Variants in COL25A1 observed in about 807,000 individuals in gnomAD.
The protein encoded by COL25A1 is collagen alpha-1(XXV) chain.
A neutral mutation model predicts 128.4 loss-of-function variants in COL25A1; 103 were observed. The ratio of observed to expected loss-of-function variants is 0.80; its 90% CI spans 0.68 to 0.94. COL25A1 has a LOEUF of 0.94. COL25A1 is among the 40% of genes least tolerant of loss of function. The pLI is 0.00. For synonymous variants in COL25A1, 279 were observed against 277.2 expected (o/e 1.01, Z -0.06); for missense variants, 745 against 840.0 (o/e 0.89, Z 1.40).
chr4:109,282,690 T>A (rs1205650978), intron 3 of COL25A1, among the ~76,000 whole-genome samples: 1 of 152,256 alleles, frequency 6.6e-6, no homozygotes, highest in African/African-American at 2.4e-5. Flanking sequence ...GATCAGAACT[T>A]TCTTTCCCTG....
At chr4:108,915,971 A>G (rs1744828514) in intron 13 of COL25A1, among the ~76,000 whole-genome samples, 1 of 152,224 alleles carries the variant, frequency 6.6e-6, no homozygotes, top group Admixed American at 6.5e-5. Flanking sequence ...AACAAATTCT[A>G]GAGTTCATTT....
At chr4:109,057,728 C>T (rs956843874) in intron 3 of COL25A1, among the ~76,000 whole-genome samples, 2 of 152,046 alleles carry the variant, frequency 1.3e-5, no homozygotes, top group African/African-American at 2.4e-5. Context: ...AGTTTCTACT[C>T]CTGTGGAGAG....
chr4:108,984,932 T>C (rs1488349508), intron 6 of COL25A1, among the ~76,000 whole-genome samples: 1 of 152,138 alleles, frequency 6.6e-6, no homozygotes, highest in African/African-American at 2.4e-5. Flanking sequence ...TAGAGCAATA[T>C]AGGTTTTATG....
chr4:108,937,354 CAG>C (rs1232276742), intron 11 of COL25A1, among the ~76,000 whole-genome samples: 5 of 151,498 alleles, frequency 3.3e-5, no homozygotes, highest in Admixed American at 3.3e-4. Context: ...TTTTAAATGA[CAG>C]AGAACCAAAA....
chr4:109,113,760 T>C (rs1303926589), intron 3 of COL25A1, among the ~76,000 whole-genome samples: 1 of 152,034 alleles, frequency 6.6e-6, no homozygotes, highest in Admixed American at 6.6e-5. Flanking sequence ...TCGTAAGCAT[T>C]TCCATACGCA....
Position 109,000,340 on chromosome 4 carries a change from C to A in COL25A1, c.438+10018G>T, listed in dbSNP as rs572562019. Among the ~76,000 whole-genome samples the A allele has an allele frequency of 2.6e-5, 4 of 152,160 alleles. No homozygotes were observed. The South Asian group carries it at 8.3e-4, about 32-fold the overall frequency. On this transcript the variant is annotated intron_variant, in intron 6 of 37. Transcript: ENST00000399132. ...GTACAGATGAGGAAAATGAGACTAG[C>A]GTGATTGAGTAACTTGCCAAAGATA... is the stretch of plus-strand genomic sequence containing the variant.
chr4:109,074,334 C>T (rs1048457606), intron 3 of COL25A1, among the ~76,000 whole-genome samples: 2 of 152,114 alleles, frequency 1.3e-5, no homozygotes, highest in Non-Finnish European at 2.9e-5. Flanking sequence ...GTTTGTGTTG[C>T]TGTTTGGACT....
intron 3 of COL25A1, among the ~76,000 whole-genome samples, chr4:109,266,555 T>G (rs962591243): frequency 6.6e-6 from 1 of 152,032 alleles, no homozygotes; most frequent in Non-Finnish European, 1.5e-5. Flanking sequence ...CTGGGGAGGA[T>G]GTACTAATAA....
At chr4:108,978,812 C>A (rs1043860965) in intron 6 of COL25A1, among the ~76,000 whole-genome samples, 1 of 152,116 alleles carries the variant, frequency 6.6e-6, no homozygotes, top group African/African-American at 2.4e-5. Flanking sequence ...AATTAGCAGT[C>A]ATAGGGAAGT....
chr4:108,924,564 T>C (rs749650705), intron 11 of COL25A1, among the ~76,000 whole-genome samples: 2 of 152,140 alleles, frequency 1.3e-5, no homozygotes, highest in Non-Finnish European at 2.9e-5. Flanking sequence ...ATCTCTATGG[T>C]CCAGCCTTCT....
chr4:108,957,618 A>T (rs1436211891), intron 8 of COL25A1, among the ~76,000 whole-genome samples: 1 of 152,234 alleles, frequency 6.6e-6, no homozygotes, highest in Non-Finnish European at 1.5e-5. Context: ...GTAATCTTAG[A>T]ACTGTCTATG....
chr4:108,920,135 C>G (rs1745330066), intron 12 of COL25A1, among the ~76,000 whole-genome samples: 1 of 152,160 alleles, frequency 6.6e-6, no homozygotes, highest in Non-Finnish European at 1.5e-5. Context: ...AGTCACTGTT[C>G]AGGTTACCTC....
intron 3 of COL25A1, among the ~76,000 whole-genome samples, chr4:109,174,435 C>T (rs568583219): frequency 6.6e-6 from 1 of 152,284 alleles, no homozygotes; most frequent in Admixed American, 6.5e-5. Flanking sequence ...AGTTCCCCAC[C>T]AATCCACAGA....
Position 108,835,861 on chromosome 4 carries a change from C to CTTTTTTTTTTTTTTTTTTTTTTTTT in COL25A1, c.1657-3453_1657-3429dup, listed in dbSNP as rs1158184110. 5.2e-4 allele frequency among the ~76,000 whole-genome samples: 24 copies of CTTTTTTTTTTTTTTTTTTTTTTTTT among 45,722 alleles called. 2 individuals carry two copies. The highest frequency in any genetic ancestry group is 1.4e-3 in the Admixed American group (4 of 2,838). The allele number at this position is 45,722 out of a possible 152,430, so 30.0% of individuals were successfully genotyped here. On this transcript the variant is annotated intron_variant, in intron 31 of 37. Coordinates refer to ENST00000399132, the MANE Select transcript of COL25A1 (RefSeq NM_198721.4). ...GCCACAGTGCCCGGCTTACATACGT[C>CTTTTTTTTTTTTTTTTTTTTTTTTT]TTTTTTTTTTTTTTTTTTTTTTTTT...
intron 3 of COL25A1, among the ~76,000 whole-genome samples, chr4:109,249,000 A>G (rs1780470038): frequency 6.6e-6 from 1 of 152,204 alleles, no homozygotes; most frequent in Admixed American, 6.5e-5. Context: ...ATGTAAATCC[A>G]CTAGGTGCCA....
intron 3 of COL25A1, among the ~76,000 whole-genome samples, chr4:109,256,060 T>C (rs1781059803): frequency 2.0e-5 from 3 of 148,662 alleles, no homozygotes; most frequent in Admixed American, 1.3e-4. Flanking sequence ...AGAAACTACA[T>C]GTGGATATTA....
At chr4:108,851,931 C>T (rs2125772820) in intron 26 of COL25A1, among the ~76,000 whole-genome samples, 1 of 152,086 alleles carries the variant, frequency 6.6e-6, no homozygotes, top group South Asian at 2.1e-4. Flanking sequence ...TTTCATACAC[C>T]ACATTTAGTG....
At chr4:109,110,644 C>T (rs1189379126) in intron 3 of COL25A1, among the ~76,000 whole-genome samples, 1 of 152,074 alleles carries the variant, frequency 6.6e-6, no homozygotes, top group African/African-American at 2.4e-5. Context: ...TCGTCTCCTC[C>T]CCATTTTTCC....
chr4:109,271,755 A>C (rs1782212147), intron 3 of COL25A1, among the ~76,000 whole-genome samples: 1 of 152,172 alleles, frequency 6.6e-6, no homozygotes, highest in African/African-American at 2.4e-5. Context: ...TCTTACTTCA[A>C]ATTTTAAGAT....
Sources: allele counts gnomAD v4.1 joint callset (sites outside exome capture counted in the v4.1 genomes callset), GRCh38; gene constraint gnomAD v4.1.1; transcripts MANE v1.5; gene names NCBI Gene and HGNC (gene_info 2026-07-23, HGNC 2026-07-21).